GPR176: variants seen among roughly 807,000 people sequenced by gnomAD.
The protein encoded by GPR176 is G protein-coupled receptor 176, also known as G-protein coupled receptor 176.
A neutral mutation model predicts 35.4 loss-of-function variants in GPR176; 26 were observed. The observed-to-expected ratio is 0.74, with a 90% confidence interval of 0.54 to 1.02. The LOEUF (loss-of-function observed/expected upper bound fraction) is 1.02. GPR176 is among the 50% of genes least tolerant of loss of function. The probability of loss-of-function intolerance (pLI) is 0.00; values close to 1 mark genes in which losing one functional copy is unlikely to be tolerated. For missense variants in GPR176, 597 were observed against 665.3 expected (o/e 0.90, Z 1.13); for synonymous variants, 278 against 271.3 (o/e 1.02, Z -0.24).
In GPR176 at chr15:39,874,573, G is replaced by A. The variant is rs368597306; in HGVS notation, c.172+45282C>T. Among the ~76,000 whole-genome samples, 6 of 152,124 alleles carry A rather than the reference G, an allele frequency of 3.9e-5. No homozygotes were observed. The East Asian group carries it at 1.2e-3, about 29-fold the overall frequency. ...GCAGTTTGTCATTCAGAAACAATCTGGTGTCAAGTGATTCTTCTCTTGCAT... is the reference window on the plus strand; with the variant it reads ...GCAGTTTGTCATTCAGAAACAATCTAGTGTCAAGTGATTCTTCTCTTGCAT... On this transcript the variant is annotated intron_variant, in intron 1 of 2. Transcript: ENST00000561100.
At chr15:39,856,483 A>G (rs1201720846) in intron 1 of GPR176, among the ~76,000 whole-genome samples, 2 of 152,196 alleles carry the variant, frequency 1.3e-5, no homozygotes, top group Non-Finnish European at 2.9e-5. Flanking sequence ...TCAGGAGACT[A>G]TGGTCAAGCT....
intron 1 of GPR176, among the ~76,000 whole-genome samples, chr15:39,819,032 T>C (rs189253155): frequency 1.3e-5 from 2 of 152,326 alleles, no homozygotes; most frequent in Admixed American, 1.3e-4. Flanking sequence ...GTGACAGTGT[T>C]GAAACCCTTT....
chr15:39,893,842 CCAGT>C (rs576360752), intron 1 of GPR176, among the ~76,000 whole-genome samples: 3,208 of 140,154 alleles, frequency 0.023, 145 homozygotes, highest in African/African-American at 0.074. Flanking sequence ...TCCTCACTTC[CCAGT>C]AGGGGCGGCC....
intron 1 of GPR176, among the ~76,000 whole-genome samples, chr15:39,851,188 T>C (rs2030841729): frequency 1.3e-5 from 2 of 152,302 alleles, no homozygotes; most frequent in Admixed American, 6.5e-5. Context: ...TTCAATTAGT[T>C]TATCCTCTTC....
At chr15:39,840,178 C>T (rs530130794) in intron 1 of GPR176, among the ~76,000 whole-genome samples, 1 of 152,302 alleles carries the variant, frequency 6.6e-6, no homozygotes, top group South Asian at 2.1e-4. Flanking sequence ...AAGACACATG[C>T]ACACGTATGT....
At chr15:39,885,854 A>G (rs2032655538) in intron 1 of GPR176, among the ~76,000 whole-genome samples, 1 of 152,246 alleles carries the variant, frequency 6.6e-6, no homozygotes, top group Non-Finnish European at 1.5e-5. Context: ...AGAGAAAGAC[A>G]GTTTCTCCAA....
At chr15:39,887,234 G>C (rs1447211176) in intron 1 of GPR176, among the ~76,000 whole-genome samples, 1 of 152,160 alleles carries the variant, frequency 6.6e-6, no homozygotes, top group East Asian at 1.9e-4. Flanking sequence ...AAAAGTGGCT[G>C]GGTCCTAGAA....
chr15:39,839,579 A>G (rs1014682319), intron 1 of GPR176, among the ~76,000 whole-genome samples: 2 of 152,238 alleles, frequency 1.3e-5, no homozygotes, highest in African/African-American at 4.8e-5. Flanking sequence ...CAAGGACTTC[A>G]TGACTAAAAC....
At chr15:39,905,815 T>C (rs1595521923) in intron 1 of GPR176, among the ~76,000 whole-genome samples, 1 of 149,002 alleles carries the variant, frequency 6.7e-6, no homozygotes, top group Admixed American at 6.7e-5. Context: ...GGGGATCGGG[T>C]GGGAGGGAAA....
chr15:39,865,736 C>T (rs534551094), intron 1 of GPR176, among the ~76,000 whole-genome samples: 127 of 152,262 alleles, frequency 8.3e-4, no homozygotes, highest in Middle Eastern at 3.4e-3. Context: ...CCATCTGCCA[C>T]CAATTTCTTT....
intron 1 of GPR176, among the ~76,000 whole-genome samples, chr15:39,918,692 T>A (rs767525097): frequency 6.6e-6 from 1 of 152,012 alleles, no homozygotes; most frequent in Non-Finnish European, 1.5e-5. Context: ...CACCCCTAGA[T>A]ATAGCAATAG....
chr15:39,805,402 A>G (rs1899126000), intron 2 of GPR176, among the ~76,000 whole-genome samples: 1 of 152,048 alleles, frequency 6.6e-6, no homozygotes, highest in African/African-American at 2.4e-5. Context: ...GACCCACATA[A>G]TACTTTTTGA....
At chr15:39,803,809 G>C (rs960424837) in intron 2 of GPR176, among the ~76,000 whole-genome samples, 12 of 152,214 alleles carry the variant, frequency 7.9e-5, no homozygotes, top group Admixed American at 1.3e-4. Flanking sequence ...AGACACTGCA[G>C]TGGAGTCTGG....
chr15:39,865,997 G>A (rs1406251697), intron 1 of GPR176, among the ~76,000 whole-genome samples: 1 of 152,002 alleles, frequency 6.6e-6, no homozygotes, highest in Non-Finnish European at 1.5e-5. Context: ...TACACACAGT[G>A]GAGTTCTGTG....
chr15:39,815,754 G>T (rs1413541520), intron 1 of GPR176, among the ~76,000 whole-genome samples: 1 of 152,114 alleles, frequency 6.6e-6, no homozygotes, highest in Non-Finnish European at 1.5e-5. Flanking sequence ...CCTCAAAAAA[G>T]TAACAAGAGA....
intron 1 of GPR176, among the ~76,000 whole-genome samples, chr15:39,825,940 G>A (rs529979365): frequency 1.1e-4 from 17 of 152,162 alleles, no homozygotes; most frequent in Non-Finnish European, 1.9e-4. Context: ...CTGGTTCAGG[G>A]TTGGATGGTT....
At chr15:39,836,605 C>A (rs1261627726) in intron 1 of GPR176, among the ~76,000 whole-genome samples, 2 of 152,122 alleles carry the variant, frequency 1.3e-5, no homozygotes, top group Admixed American at 6.5e-5. Flanking sequence ...CACAAACACC[C>A]ACCTCCTTAA....
chr15:39,900,316 T>G (rs1454484813), intron 1 of GPR176, among the ~76,000 whole-genome samples: 1 of 151,710 alleles, frequency 6.6e-6, no homozygotes, highest in African/African-American at 2.4e-5. Flanking sequence ...AGTCAACATA[T>G]GGAAGTTAAC....
chr15:39,889,842 AAAG>A (rs1566963794), intron 1 of GPR176, among the ~76,000 whole-genome samples: 2 of 152,154 alleles, frequency 1.3e-5, no homozygotes, highest in Non-Finnish European at 2.9e-5. Context: ...TGTATGCACA[AAAG>A]AAAACACAGA....
Sources: gnomAD v4.1 joint callset for allele counts (sites outside exome capture counted in the v4.1 genomes callset) on GRCh38, gnomAD v4.1.1 for gene constraint, MANE v1.5 for transcripts, NCBI Gene and HGNC (gene_info 2026-07-23, HGNC 2026-07-21) for gene names.